NUP155: variants seen among roughly 807,000 people sequenced by gnomAD.
NUP155 encodes nucleoporin 155.
NUP155 carries 71 observed loss-of-function variants against 180.4 expected under a neutral mutation model. The observed-to-expected ratio is 0.39, with a 90% confidence interval of 0.33 to 0.48. NUP155 has a LOEUF of 0.48. Ranked by LOEUF, NUP155 falls within the 20% of genes least tolerant of loss-of-function variation. The pLI, the probability that NUP155 is intolerant of heterozygous loss-of-function variation, is 0.91. For synonymous variants in NUP155, 582 were observed against 559.5 expected (o/e 1.04, Z -0.57); for missense variants, 1,553 against 1,648.9 (o/e 0.94, Z 1.01).
chr5:37,367,607 A>G (rs994030408), intron 1 of NUP155, among the ~76,000 whole-genome samples: 1 of 147,756 alleles, frequency 6.8e-6, no homozygotes, highest in East Asian at 2.0e-4. Context: ...ATCTCGGCTC[A>G]CTGCAAGCTC....
rs1039360193 is a variant in NUP155, at chr5:37,308,740, C to T, written c.2767+389G>A. The stretch of plus-strand genomic sequence containing the variant: ...ATAAAAAAATAAAAAATTAGCTGGG[C>T]GTGGTGGCGTGCGCCTGTAATACCA... On this transcript the variant is annotated intron_variant, in intron 24 of 34. Transcript: ENST00000231498. Among the ~76,000 whole-genome samples, 8 of 150,394 alleles carry T rather than the reference C, an allele frequency of 5.3e-5. 1 individual carries two copies. Among genetic ancestry groups the T allele is most frequent in the Admixed American group, 4.6e-4 (7 of 15,104 alleles).
chr5:37,294,287 A>G, intron 33 of NUP155, 42 bp downstream of exon 33: 2 of 1,356,172 alleles, frequency 1.5e-6, no homozygotes, highest in Non-Finnish European at 2.0e-6. Context: ...AAGTTACTTT[A>G]ATTAAAGAAA....
In NUP155 at chr5:37,320,285, C is replaced by T. The variant is rs181323564; in HGVS notation, c.2208-2200G>A. ...CTGAGGTTGGGAGATTGAGACCAGC[C>T]TGACCAACAAGGAGAAACCCCGTCT... On this transcript the variant is annotated intron_variant, in intron 20 of 34. Coordinates refer to ENST00000231498, the MANE Select transcript of NUP155 (RefSeq NM_153485.3). Among the ~76,000 whole-genome samples the T allele has an allele frequency of 1.7e-3, 263 of 152,150 alleles. 2 individuals are homozygous for T. Among genetic ancestry groups the T allele is most frequent in the African/African-American group, 6.0e-3 (250 of 41,496 alleles).
intron 1 of NUP155, among the ~76,000 whole-genome samples, chr5:37,364,636 T>C (rs990469082): frequency 1.2e-3 from 11 of 9,002 alleles, no homozygotes; most frequent in African/African-American, 1.5e-3. Flanking sequence ...GTTTATTTTA[T>C]TTTATTTTTT....
chr5:37,302,114 CTTAG>C (rs1392347609), intron 29 of NUP155, among the ~76,000 whole-genome samples: 7 of 152,232 alleles, frequency 4.6e-5, no homozygotes, highest in South Asian at 2.1e-4. Flanking sequence ...TTTTGATTCT[CTTAG>C]TTAGGGAATT....
At chr5:37,320,079 G>C (rs1744146499) in intron 20 of NUP155, among the ~76,000 whole-genome samples, 1 of 152,112 alleles carries the variant, frequency 6.6e-6, no homozygotes, top group Non-Finnish European at 1.5e-5. Context: ...CAGCTACTCA[G>C]GCGGCTGAGT....
chr5:37,342,784 T>C, intron 9 of NUP155, 138 bp from the exon 10 acceptor site: 1 of 639,866 alleles, frequency 1.6e-6, no homozygotes, highest in Non-Finnish European at 2.9e-6. Context: ...TCACCCAGGC[T>C]GGAGGAGAGT....
At chr5:37,298,419 A>G (rs1368749574) in intron 32 of NUP155, among the ~76,000 whole-genome samples, 1 of 152,186 alleles carries the variant, frequency 6.6e-6, no homozygotes, top group Admixed American at 6.5e-5. Flanking sequence ...TTTAAAAATT[A>G]TAGCCACCAT....
intron 12 of NUP155, among the ~76,000 whole-genome samples, chr5:37,335,503 T>C (rs1745272152): frequency 1.3e-5 from 2 of 152,198 alleles, no homozygotes; most frequent in Non-Finnish European, 2.9e-5. Context: ...TCAACAATTG[T>C]TAGCAGTTCG....
At chr5:37,312,180 A>T (rs1437906546) in intron 22 of NUP155, among the ~76,000 whole-genome samples, 1 of 152,236 alleles carries the variant, frequency 6.6e-6, no homozygotes, top group African/African-American at 2.4e-5. Flanking sequence ...CCAGCAATTT[A>T]TCTTAGTATA....
intron 32 of NUP155, among the ~76,000 whole-genome samples, chr5:37,298,547 C>T (rs924575190): frequency 6.6e-6 from 1 of 152,142 alleles, no homozygotes; most frequent in Non-Finnish European, 1.5e-5. Context: ...ATTACCTATG[C>T]ACAAAAACAT....
intron 13 of NUP155, among the ~76,000 whole-genome samples, chr5:37,332,735 G>C (rs1389597035): frequency 1.3e-5 from 2 of 152,106 alleles, no homozygotes; most frequent in East Asian, 3.9e-4. Flanking sequence ...GAGGTGGGTG[G>C]ATAGCTTGAG....
intron 1 of NUP155, among the ~76,000 whole-genome samples, chr5:37,365,738 A>AAAT (rs1561818758): frequency 4.3e-4 from 16 of 37,144 alleles, no homozygotes; most frequent in Non-Finnish European, 5.5e-4. Context: ...AAAAAAAAAA[A>AAAT]ATATATATAT....
At chr5:37,303,055 T>G in intron 28 of NUP155, 147 bp from the exon 29 acceptor site, 1 of 1,084,406 alleles carries the variant, frequency 9.2e-7, no homozygotes, top group Non-Finnish European at 1.3e-6. Flanking sequence ...TAAAAAAAAA[T>G]CTATTTTAGA....
intron 32 of NUP155, among the ~76,000 whole-genome samples, chr5:37,298,383 C>T (rs772689070): frequency 5.7e-4 from 86 of 152,020 alleles, no homozygotes; most frequent in Non-Finnish European, 1.1e-3. Context: ...TGTAGGTTGG[C>T]AAATAGCTCA....
Position 37,351,252 on chromosome 5 carries a change from TG to T in NUP155, c.660del (p.Thr221LeufsTer18). On this transcript the variant is annotated frameshift_variant, in exon 6 of 35. Transcript: ENST00000231498. LOFTEE classifies it high-confidence loss of function. ...GCCAAGAAAATTCTGCCATTATCAGTGGAAGTTATTGTTAAAAGGTAAGTAT... is the reference window on the plus strand; with the variant it reads ...GCCAAGAAAATTCTGCCATTATCAGTGAAGTTATTGTTAAAAGGTAAGTAT... Reference protein sequence around the residue: ...TDNTYLLTITSTDNGRIFLAG... With the variant: ...TDNTYLLTITXTDNGRIFLAG... The T allele has an allele frequency of 6.2e-7, 1 of 1,613,596 alleles. No homozygotes were observed. The highest frequency in any genetic ancestry group is 8.5e-7 in the Non-Finnish European group (1 of 1,179,658).
At chr5:37,361,999 T>C (rs569181640) in intron 3 of NUP155, among the ~76,000 whole-genome samples, 23 of 152,270 alleles carry the variant, frequency 1.5e-4, no homozygotes, top group African/African-American at 5.3e-4. Context: ...AGTGAAAAGA[T>C]AGCCATCTAT....
Position 37,288,417 on chromosome 5 carries a change from G to A in NUP155, c.*3483C>T, listed in dbSNP as rs1742104600. On this transcript the variant is annotated 3_prime_UTR_variant, in exon 35 of 35. Coordinates refer to ENST00000231498, the MANE Select transcript of NUP155 (RefSeq NM_153485.3). The stretch of plus-strand genomic sequence containing the variant: ...AAACACTAAATGTACATGTACATCA[G>A]TCAGTATCTCATAGCATAAACAGTT... The A allele has an allele frequency of 6.6e-6, 1 of 151,864 alleles. No homozygotes were observed. The highest frequency in any genetic ancestry group is 1.9e-4 in the East Asian group (1 of 5,178). The allele number at this position is 151,864 out of a possible 1,614,324, so 9.4% of individuals were successfully genotyped here. A position where few individuals can be genotyped will look rare whatever the true frequency, so the allele number is the denominator to read the frequency against.
chr5:37,349,444 A>T (rs1370364606), intron 7 of NUP155, among the ~76,000 whole-genome samples, 199 bp from the exon 8 acceptor site: 1 of 152,172 alleles, frequency 6.6e-6, no homozygotes, highest in Admixed American at 6.6e-5. Context: ...AACACATGAA[A>T]AAAACACATG....
Sources: allele counts gnomAD v4.1 joint callset (sites outside exome capture counted in the v4.1 genomes callset), GRCh38; gene constraint gnomAD v4.1.1; transcripts MANE v1.5; gene names NCBI Gene and HGNC (gene_info 2026-07-23, HGNC 2026-07-21).